INPP4B: variants seen among roughly 807,000 people sequenced by gnomAD.
INPP4B encodes inositol polyphosphate-4-phosphatase type II B.
A neutral mutation model predicts 122.5 loss-of-function variants in INPP4B; 55 were observed. That is an observed-to-expected ratio of 0.45 (90% confidence interval 0.36 to 0.56). INPP4B has a LOEUF of 0.56. INPP4B is among the 20% of genes least tolerant of loss of function. The probability of loss-of-function intolerance (pLI) is 0.00; values close to 1 mark genes in which losing one functional copy is unlikely to be tolerated. For synonymous variants in INPP4B, 403 were observed against 388.7 expected, an observed-to-expected ratio of 1.04 and a Z score of -0.43; for missense variants, 1,000 against 1,097.7, an observed-to-expected ratio of 0.91 and a Z score of 1.26.
chr4:142,033,150 C>T (rs1321302595), intron 25 of INPP4B, among the ~76,000 whole-genome samples: 1 of 152,164 alleles, frequency 6.6e-6, no homozygotes, highest in Non-Finnish European at 1.5e-5. Flanking sequence ...TTAGCACATG[C>T]CCTTCCTGTA....
intron 3 of INPP4B, among the ~76,000 whole-genome samples, chr4:142,443,404 C>T (rs968311347): frequency 3.4e-4 from 52 of 152,150 alleles, no homozygotes; most frequent in African/African-American, 1.2e-3. Context: ...TCCTACAGAA[C>T]AAAAATGACA....
At chr4:142,417,335 C>G (rs1805983354) in intron 5 of INPP4B, among the ~76,000 whole-genome samples, 1 of 152,148 alleles carries the variant, frequency 6.6e-6, no homozygotes, top group African/African-American at 2.4e-5. Context: ...CTTACTTGCT[C>G]TGCCTTCCAA....
intron 2 of INPP4B, among the ~76,000 whole-genome samples, chr4:142,698,859 A>T (rs758592680): frequency 6.6e-6 from 1 of 152,176 alleles, no homozygotes; most frequent in African/African-American, 2.4e-5. Flanking sequence ...GGAGGAGCTG[A>T]AGGGGAACCT....
intron 25 of INPP4B, 118 bp from the exon 26 acceptor site, chr4:142,029,032 CA>C: frequency 7.0e-7 from 1 of 1,427,418 alleles, no homozygotes; most frequent in Non-Finnish European, 9.1e-7. Context: ...TTCAACTCTA[CA>C]TTTTTTTTTT....
intron 9 of INPP4B, among the ~76,000 whole-genome samples, chr4:142,300,016 A>T (rs1760718942): frequency 6.6e-6 from 1 of 152,192 alleles, no homozygotes; most frequent in African/African-American, 2.4e-5. Flanking sequence ...CATCAACTTT[A>T]TTTGTGTGCA....
At chr4:142,106,623 C>T (rs2152679619) in intron 23 of INPP4B, among the ~76,000 whole-genome samples, 1 of 152,214 alleles carries the variant, frequency 6.6e-6, no homozygotes, top group Middle Eastern at 3.4e-3. Context: ...ACTGAAAGTC[C>T]TCACAGACTT....
At chr4:142,456,237 C>G (rs901131571) in intron 3 of INPP4B, among the ~76,000 whole-genome samples, 1 of 151,982 alleles carries the variant, frequency 6.6e-6, no homozygotes, top group African/African-American at 2.4e-5. Flanking sequence ...AGAACAATGT[C>G]CTGGAGAGTT....
intron 3 of INPP4B, among the ~76,000 whole-genome samples, chr4:142,460,844 C>T (rs1444738701): frequency 2.1e-5 from 3 of 143,560 alleles, no homozygotes; most frequent in Non-Finnish European, 4.7e-5. Flanking sequence ...GTTTTTCAGA[C>T]TTTTAGTGCT....
intron 16 of INPP4B, among the ~76,000 whole-genome samples, chr4:142,162,065 TATA>T (rs1446949551): frequency 6.6e-6 from 1 of 151,864 alleles, no homozygotes; most frequent in Non-Finnish European, 1.5e-5. Context: ...TAAGTGTGCC[TATA>T]ATGCCTGTGT....
intron 2 of INPP4B, among the ~76,000 whole-genome samples, chr4:142,715,370 AC>A (rs1221143786): frequency 6.6e-6 from 1 of 152,220 alleles, no homozygotes; most frequent in Non-Finnish European, 1.5e-5. Flanking sequence ...TTTGAATTTA[AC>A]TCAAATTCAA....
intron 7 of INPP4B, among the ~76,000 whole-genome samples, chr4:142,366,395 T>C (rs1787498804): frequency 6.6e-6 from 1 of 152,024 alleles, no homozygotes; most frequent in Non-Finnish European, 1.5e-5. Flanking sequence ...GCATAAAATA[T>C]TAAAGAATAA....
intron 18 of INPP4B, among the ~76,000 whole-genome samples, chr4:142,138,189 T>C (rs879369158): frequency 6.6e-6 from 1 of 151,724 alleles, no homozygotes; most frequent in Non-Finnish European, 1.5e-5. Flanking sequence ...ATATACACCA[T>C]GGGATACTAT....
intron 23 of INPP4B, among the ~76,000 whole-genome samples, chr4:142,089,505 A>C (rs1225258829): frequency 6.6e-6 from 1 of 151,902 alleles, no homozygotes; most frequent in African/African-American, 2.4e-5. Flanking sequence ...AGAAAGTGAT[A>C]AATATCTGAG....
rs148371542 is a variant in INPP4B, at chr4:142,192,354, A to AAAAAAAAAAAAAAAAAG, written c.1181+732_1181+733insCTTTTTTTTTTTTTTTT. Among the ~76,000 whole-genome samples the AAAAAAAAAAAAAAAAAG allele has an allele frequency of 3.8e-3, 277 of 73,148 alleles. 40 individuals are homozygous for AAAAAAAAAAAAAAAAAG. The highest frequency in any genetic ancestry group is 5.6e-3 in the Non-Finnish European group (202 of 35,778). The allele number at this position is 73,148 out of a possible 152,430, so 48.0% of individuals were successfully genotyped here. Reference sequence around the variant, plus strand: ...AAAGTAAAAAAAAAAAAAAAAAAAAATGGGATTCTTAAGAAGAATAACTAT... The same window carrying AAAAAAAAAAAAAAAAAG: ...AAAGTAAAAAAAAAAAAAAAAAAAAAAAAAAAAAAAAAAAAAGTGGGATTCTTAAGAAGAATAACTAT... On this transcript the variant is annotated intron_variant, in intron 15 of 25. Transcript: ENST00000262992.
At chr4:142,253,433 T>A (rs963602548) in intron 11 of INPP4B, among the ~76,000 whole-genome samples, 1 of 152,170 alleles carries the variant, frequency 6.6e-6, no homozygotes, top group Non-Finnish European at 1.5e-5. Context: ...CGCATTTCCA[T>A]CTGAGGTACC....
intron 1 of INPP4B, among the ~76,000 whole-genome samples, chr4:142,772,629 C>T (rs549034038): frequency 6.6e-6 from 1 of 152,048 alleles, no homozygotes; most frequent in Non-Finnish European, 1.5e-5. Flanking sequence ...ACAAACCCAA[C>T]AGTAAAAGAG....
chr4:142,409,417 C>T (rs547825254), intron 5 of INPP4B, among the ~76,000 whole-genome samples: 200 of 152,086 alleles, frequency 1.3e-3, no homozygotes, highest in Non-Finnish European at 2.6e-3. Flanking sequence ...CGCTTGAACC[C>T]GGGAAGCGGA....
chr4:142,584,879 T>C (rs569477823), intron 2 of INPP4B, among the ~76,000 whole-genome samples: 1 of 152,292 alleles, frequency 6.6e-6, no homozygotes, highest in South Asian at 2.1e-4. Flanking sequence ...ACTTAGCTAC[T>C]CTCCCACGTT....
chr4:142,271,328 A>G (rs911233518), intron 9 of INPP4B, among the ~76,000 whole-genome samples: 1 of 152,174 alleles, frequency 6.6e-6, no homozygotes, highest in Non-Finnish European at 1.5e-5. Context: ...GAAACCTCCT[A>G]AACGTTCTCA....
Sources: gnomAD v4.1 joint callset for allele counts (sites outside exome capture counted in the v4.1 genomes callset) on GRCh38, gnomAD v4.1.1 for gene constraint, MANE v1.5 for transcripts, NCBI Gene and HGNC (gene_info 2026-07-23, HGNC 2026-07-21) for gene names.